Variants in FBLN5 observed in about 807,000 individuals in gnomAD.
The protein encoded by FBLN5 is fibulin 5, also known as fibulin-5.
FBLN5 carries 24 observed loss-of-function variants against 61.6 expected under a neutral mutation model. The ratio of observed to expected loss-of-function variants is 0.39; its 90% confidence interval spans 0.28 to 0.55. The LOEUF is 0.55. FBLN5 is among the 20% of genes least tolerant of loss of function. The pLI is 0.65. For missense variants in FBLN5, 470 were observed against 594.1 expected (o/e 0.79, Z 2.17); for synonymous variants, 213 against 219.8 (o/e 0.97, Z 0.27).
At chr14:91,917,951 C>T (rs1366349341) in intron 4 of FBLN5, among the ~76,000 whole-genome samples, 1 of 152,170 alleles carries the variant, frequency 6.6e-6, no homozygotes, top group Non-Finnish European at 1.5e-5. Flanking sequence ...GTGTAAGGTA[C>T]AATGGAATGG....
rs2056195714 is a variant in FBLN5 at position 91,947,030 on chromosome 14, T to C, written c.17+183A>G. 1.2e-5 allele frequency: 18 copies of C among 1,532,730 alleles called. No individual in the cohort carries two copies. In the South Asian group the frequency reaches 1.7e-4, roughly 15 times the overall value. 94.9% of individuals were successfully genotyped at this position (1,532,730 alleles called of 1,614,324 possible). A position where few individuals can be genotyped will look rare whatever the true frequency, so the allele number is the denominator to read the frequency against. ...AAAATACCCACTCCCAAAAGAACGC[T>C]TCAAGATGGAAATTACAGAGGCGCA... On this transcript the variant is annotated intron_variant, in intron 1 of 10. Transcript: ENST00000342058. The surrounding 1 kb of genome is among the most constrained non-coding windows in gnomAD (Gnocchi z 4.3).
chr14:91,937,630 G>C (rs889425037), intron 3 of FBLN5, among the ~76,000 whole-genome samples: 10 of 152,146 alleles, frequency 6.6e-5, no homozygotes, highest in Non-Finnish European at 1.5e-4. Context: ...TTTCTAAGAA[G>C]AGGAAGAGAG....
At chr14:91,896,445 C>T (rs1294010328) in intron 4 of FBLN5, among the ~76,000 whole-genome samples, 2 of 110,538 alleles carry the variant, frequency 1.8e-5, no homozygotes, top group Admixed American at 1.2e-4. Flanking sequence ...CCACCTTCAC[C>T]GAATGGACCA....
chr14:91,907,885 A>G (rs1033170671), intron 4 of FBLN5, among the ~76,000 whole-genome samples: 1 of 152,144 alleles, frequency 6.6e-6, no homozygotes, highest in African/African-American at 2.4e-5. Context: ...TTCAGCAAAA[A>G]AACTGGCAAT....
At chr14:91,893,718 A>C (rs568243062) in intron 5 of FBLN5, among the ~76,000 whole-genome samples, 1 of 152,370 alleles carries the variant, frequency 6.6e-6, no homozygotes, top group South Asian at 2.1e-4. Flanking sequence ...AAGAAAGGAA[A>C]ATAACCTTCC....
chr14:91,922,318 A>ATAAG (rs759087249), intron 4 of FBLN5, among the ~76,000 whole-genome samples: 3 of 69,604 alleles, frequency 4.3e-5, no homozygotes, highest in East Asian at 1.0e-3. Context: ...AATAAAGTAA[A>ATAAG]TAAATAAATA....
intron 10 of FBLN5, 22 bp from the exon 11 acceptor site, chr14:91,870,407 A>G (rs1286521155): frequency 6.2e-6 from 10 of 1,612,770 alleles, no homozygotes; most frequent in Non-Finnish European, 8.5e-6. Flanking sequence ...ACCGGGGAAC[A>G]CCAGTGAGAA....
chr14:91,897,682 G>T (rs1439139175), intron 4 of FBLN5, among the ~76,000 whole-genome samples: 2 of 152,230 alleles, frequency 1.3e-5, no homozygotes, highest in African/African-American at 4.8e-5. Context: ...GCATGTGTGC[G>T]AAGTATTCAG....
intron 5 of FBLN5, among the ~76,000 whole-genome samples, chr14:91,893,703 AG>A (rs1307361799): frequency 6.6e-6 from 1 of 152,256 alleles, no homozygotes; most frequent in Non-Finnish European, 1.5e-5. Context: ...CCAAAACTAG[AG>A]GGGAAGAAAG....
chr14:91,890,946 G>C (rs1221102674), intron 6 of FBLN5, among the ~76,000 whole-genome samples: 2 of 152,208 alleles, frequency 1.3e-5, no homozygotes, highest in East Asian at 3.8e-4. Context: ...CTGGATAGCA[G>C]ACACAGAAAA....
At position 91,942,911 on chromosome 14, in the gene FBLN5, G is replaced by T; in HGVS notation, c.68C>A (p.Ala23Glu). 1 of 1,538,602 alleles carries T rather than the reference G, an allele frequency of 6.5e-7. No homozygotes were observed. The highest frequency in any genetic ancestry group is 8.8e-7 in the Non-Finnish European group (1 of 1,134,874). The change falls in exon 2 of 11, where the codon GCA (alanine) becomes GAA (glutamate). Residue 23 changes from alanine to glutamate, a missense_variant. Transcript: ENST00000342058. ...TTTTAAAAATAAAAATCTTACCTGT[G>T]CATTCCCAGGGCTTGGAAGACAGAG... ...LALCLPSPGN[A>E]QAQCTNGFDL... is the part of the protein sequence containing the mutation.
intron 4 of FBLN5, among the ~76,000 whole-genome samples, chr14:91,935,153 T>C (rs566233018): frequency 6.6e-6 from 1 of 152,214 alleles, no homozygotes; most frequent in Admixed American, 6.5e-5. Flanking sequence ...ATCTCCCGTG[T>C]GACAGGTTCA....
At chr14:91,877,824 T>C in intron 9 of FBLN5, 142 bp from the exon 10 acceptor site, 2 of 717,926 alleles carry the variant, frequency 2.8e-6, no homozygotes, top group Admixed American at 2.0e-5. Context: ...TCTCTGCTCC[T>C]GGCTTGAGTC....
Position 91,905,862 on chromosome 14 carries a change from G to A in FBLN5, c.380-10790C>T, listed in dbSNP as rs543812911. On this transcript the variant is annotated intron_variant, in intron 4 of 10. Coordinates refer to ENST00000342058, the MANE Select transcript of FBLN5 (RefSeq NM_006329.4). Reference sequence around the variant, plus strand: ...CAAAGTGCTAGGATTACAGGTGTGAGCCACCACACCTGGCCGAGTTGTTTG... The same window carrying A: ...CAAAGTGCTAGGATTACAGGTGTGAACCACCACACCTGGCCGAGTTGTTTG... Among the ~76,000 whole-genome samples the A allele has an allele frequency of 7.3e-5, 11 of 151,632 alleles. No individual in the cohort carries two copies. In the East Asian group the frequency reaches 1.2e-3, roughly 16 times the overall value.
intron 4 of FBLN5, among the ~76,000 whole-genome samples, chr14:91,922,625 A>G (rs2055759908): frequency 6.6e-6 from 1 of 152,194 alleles, no homozygotes. Context: ...TCCTGGAAAA[A>G]GGATCTGTTG....
Sources: allele counts gnomAD v4.1 joint callset (sites outside exome capture counted in the v4.1 genomes callset), GRCh38; gene constraint gnomAD v4.1.1; non-coding constraint Gnocchi (gnomAD v3.1); transcripts MANE v1.5; gene names NCBI Gene and HGNC (gene_info 2026-07-23, HGNC 2026-07-21).